GABRG3: variants seen among roughly 807,000 people sequenced by gnomAD.
The protein encoded by GABRG3 is gamma-aminobutyric acid type A receptor subunit gamma3, also known as gamma-aminobutyric acid receptor subunit gamma-3.
In GABRG3, 25 loss-of-function variants were observed where a neutral mutation model predicts 48.8. The observed-to-expected ratio is 0.51, with a 90% confidence interval of 0.37 to 0.72. The LOEUF is 0.72. Ranked by LOEUF, GABRG3 falls within the 30% of genes least tolerant of loss-of-function variation. The probability of loss-of-function intolerance (pLI) is 0.00; values close to 1 mark genes in which losing one functional copy is unlikely to be tolerated. For synonymous variants in GABRG3, 227 were observed against 217.6 expected, an observed-to-expected ratio of 1.04 and a Z score of -0.38; for missense variants, 394 against 577.9, an observed-to-expected ratio of 0.68 and a Z score of 3.26.
At chr15:27,003,902 G>A (rs1353027244) in intron 2 of GABRG3, among the ~76,000 whole-genome samples, 1 of 148,682 alleles carries the variant, frequency 6.7e-6, no homozygotes, top group Non-Finnish European at 1.5e-5. Flanking sequence ...CGGGCAGAGG[G>A]GCTCCTCACT....
chr15:26,972,426 G>A (rs1415919220), intron 1 of GABRG3, among the ~76,000 whole-genome samples: 1 of 152,090 alleles, frequency 6.6e-6, no homozygotes, highest in African/African-American at 2.4e-5. Flanking sequence ...GGAGATTCTG[G>A]GTTTAGTTTC....
At chr15:27,231,662 C>T (rs112263562) in intron 3 of GABRG3, among the ~76,000 whole-genome samples, 3 of 152,194 alleles carry the variant, frequency 2.0e-5, no homozygotes, top group African/African-American at 7.2e-5. Context: ...TAGAAAATCC[C>T]TCATATCCTG....
intron 2 of GABRG3, among the ~76,000 whole-genome samples, chr15:27,014,943 A>G (rs1484083139): frequency 6.6e-6 from 1 of 152,142 alleles, no homozygotes; most frequent in Non-Finnish European, 1.5e-5. Flanking sequence ...AAAATTGGGA[A>G]CTCTAACGTT....
At chr15:27,001,625 G>C (rs374205145) in intron 2 of GABRG3, among the ~76,000 whole-genome samples, 8 of 152,222 alleles carry the variant, frequency 5.3e-5, no homozygotes, top group African/African-American at 1.9e-4. Flanking sequence ...TTATTAGGTC[G>C]TGTTTGTCAC....
chr15:26,984,119 A>C (rs1467772911), intron 2 of GABRG3, among the ~76,000 whole-genome samples: 1 of 152,090 alleles, frequency 6.6e-6, no homozygotes, highest in African/African-American at 2.4e-5. Flanking sequence ...CAATGATAAT[A>C]CATTTTGAAG....
At chr15:27,338,635 G>A (rs1369939066) in intron 5 of GABRG3, among the ~76,000 whole-genome samples, 1 of 152,108 alleles carries the variant, frequency 6.6e-6, no homozygotes, top group Non-Finnish European at 1.5e-5. Flanking sequence ...TGCCCCCAGG[G>A]AGGCACCATG....
intron 3 of GABRG3, among the ~76,000 whole-genome samples, chr15:27,027,574 C>T (rs1896007488): frequency 6.6e-6 from 1 of 152,156 alleles, no homozygotes; most frequent in Admixed American, 6.5e-5. Context: ...TGGAAATAAC[C>T]CCTCCAAAAT....
chr15:27,377,885 C>T (rs548584379), intron 5 of GABRG3, among the ~76,000 whole-genome samples: 25 of 152,264 alleles, frequency 1.6e-4, no homozygotes, highest in African/African-American at 4.6e-4. Flanking sequence ...TTTAGTTGAC[C>T]TTTACCCAGT....
chr15:27,160,924 A>G (rs1049791630), intron 3 of GABRG3: 3 of 149,926 alleles, frequency 2.0e-5, no homozygotes, highest in African/African-American at 7.6e-5. Context: ...TAATTTCCTC[A>G]GATGGAAGAT....
chr15:27,521,528 G>C (rs1463107316), intron 7 of GABRG3, among the ~76,000 whole-genome samples: 3 of 152,022 alleles, frequency 2.0e-5, no homozygotes, highest in Non-Finnish European at 4.4e-5. Context: ...TGATTACAAA[G>C]AAAGAAGGAT....
At chr15:27,194,758 C>T (rs991749543) in intron 3 of GABRG3, among the ~76,000 whole-genome samples, 1 of 152,070 alleles carries the variant, frequency 6.6e-6, no homozygotes, top group Non-Finnish European at 1.5e-5. Flanking sequence ...TCGAGGTTTG[C>T]TTAGCCTCTT....
intron 5 of GABRG3, among the ~76,000 whole-genome samples, chr15:27,455,168 GA>G (rs1350657372): frequency 6.6e-6 from 1 of 152,192 alleles, no homozygotes; most frequent in Non-Finnish European, 1.5e-5. Flanking sequence ...TGAGGTCTTA[GA>G]AGGTGATACA....
chr15:27,171,680 T>A (rs900916979), intron 3 of GABRG3, among the ~76,000 whole-genome samples: 2 of 152,088 alleles, frequency 1.3e-5, no homozygotes, highest in Non-Finnish European at 2.9e-5. Context: ...TTCTGTCTAG[T>A]ATGTGTATAT....
chr15:26,990,363 T>C (rs925528048), intron 2 of GABRG3, among the ~76,000 whole-genome samples: 1 of 152,274 alleles, frequency 6.6e-6, no homozygotes, highest in East Asian at 1.9e-4. Flanking sequence ...TGCATTTCTC[T>C]GATTATCAGT....
At chr15:27,244,236 A>G (rs17672216) in intron 3 of GABRG3, among the ~76,000 whole-genome samples, 36,866 of 152,144 alleles carry the variant, frequency 0.24, 6,196 homozygotes, top group East Asian at 0.52. Context: ...TGGTTTACAT[A>G]TGGAATGAAA....
chr15:26,976,620 A>G lies in GABRG3; in HGVS notation c.54-382A>G, dbSNP rs1894951772. ...AGGGTGGAAACACCACGATGCAGTC[A>G]CCATATAGAAAACCTCTAGAAGGTT... On this transcript the variant is annotated intron_variant, in intron 1 of 9. Coordinates refer to ENST00000615808, the MANE Select transcript of GABRG3 (RefSeq NM_033223.5). The surrounding 1 kb of genome is among the most constrained non-coding windows in gnomAD (Gnocchi z 7.8). Among the ~76,000 whole-genome samples the G allele has an allele frequency of 1.3e-5, 2 of 152,140 alleles. No individual in the cohort carries two copies. Among genetic ancestry groups the G allele is most frequent in the South Asian group, 4.1e-4 (2 of 4,822 alleles).
chr15:27,527,953 A>C lies in GABRG3; in HGVS notation c.1083A>C (p.Ser361=). Residue 361 remains serine, a synonymous_variant, in exon 9 of 10, where the codon TCA becomes TCC. Coordinates refer to ENST00000615808, the MANE Select transcript of GABRG3 (RefSeq NM_033223.5). The part of the protein sequence containing the change: ...KTTSLLHPDS[S]RWIPERISLQ... Reference sequence around the variant, plus strand: ...TGTAGTTACTACATCCAGATTCCTCAAGATGGATTCCTGAGCGAATAAGCC... The same window carrying C: ...TGTAGTTACTACATCCAGATTCCTCCAGATGGATTCCTGAGCGAATAAGCC... 3 of 1,594,228 alleles carry C rather than the reference A, an allele frequency of 1.9e-6. No homozygotes were observed. The highest frequency in any genetic ancestry group is 2.6e-6 in the Non-Finnish European group (3 of 1,169,080).
chr15:27,341,574 A>G (rs1396136747), intron 5 of GABRG3, among the ~76,000 whole-genome samples: 1 of 151,870 alleles, frequency 6.6e-6, no homozygotes, highest in Admixed American at 6.6e-5. Context: ...CTGTTTTTTT[A>G]AGCACCCTTC....
intron 3 of GABRG3, among the ~76,000 whole-genome samples, chr15:27,110,799 C>T (rs368317162): frequency 6.6e-6 from 1 of 152,248 alleles, no homozygotes; most frequent in South Asian, 2.1e-4. Context: ...CCAACCCATC[C>T]GTGGCTTCTA....
Sources: gnomAD v4.1 joint callset for allele counts (sites outside exome capture counted in the v4.1 genomes callset) on GRCh38, gnomAD v4.1.1 for gene constraint, Gnocchi (gnomAD v3.1) non-coding constraint, MANE v1.5 for transcripts, NCBI Gene and HGNC (gene_info 2026-07-23, HGNC 2026-07-21) for gene names.